Variants in WDFY4 observed in about 807,000 individuals in gnomAD.
WDFY4 encodes the protein WDFY family member 4.
A neutral mutation model predicts 351.9 loss-of-function variants in WDFY4; 169 were observed. The observed-to-expected ratio is 0.48, with a 90% CI of 0.42 to 0.55. The LOEUF is 0.55. Ranked by LOEUF, WDFY4 falls within the 20% of genes least tolerant of loss-of-function variation. The probability of loss-of-function intolerance (pLI) is 0.00; values close to 1 mark genes in which losing one functional copy is unlikely to be tolerated. For missense variants in WDFY4, 3,803 were observed against 3,935.6 expected, an observed-to-expected ratio of 0.97 and a Z score of 0.90; for synonymous variants, 1,622 against 1,574.6, an observed-to-expected ratio of 1.03 and a Z score of -0.71.
Position 48,867,362 on chromosome 10 carries a change from C to A in WDFY4, c.6741+20C>A. 1 of 1,439,740 alleles carries A rather than the reference C, an allele frequency of 6.9e-7. No homozygotes were observed. The highest frequency in any genetic ancestry group is 1.5e-5 in the South Asian group (1 of 67,768). 89.2% of individuals were successfully genotyped at this position (1,439,740 alleles called of 1,614,324 possible). Reference sequence around the variant, plus strand: ...GTGCAAGTAAGAAACAAAACATAGGCTTTCTCTATACAGCAAGCTGGAATC... The same window carrying A: ...GTGCAAGTAAGAAACAAAACATAGGATTTCTCTATACAGCAAGCTGGAATC... On this transcript the variant is annotated intron_variant, in intron 40 of 61. Coordinates refer to ENST00000325239, the MANE Select transcript of WDFY4 (RefSeq NM_001394531.1).
chr10:48,980,709 G>A (rs1290827758), intron 60 of WDFY4, among the ~76,000 whole-genome samples: 1 of 152,116 alleles, frequency 6.6e-6, no homozygotes, highest in Non-Finnish European at 1.5e-5. Flanking sequence ...GCACACATGG[G>A]TGGTCACCTC....
At chr10:48,695,310 A>G (rs2063303171) in intron 1 of WDFY4, among the ~76,000 whole-genome samples, 1 of 152,144 alleles carries the variant, frequency 6.6e-6, no homozygotes, top group Admixed American at 6.5e-5. Flanking sequence ...TGGATCTCCT[A>G]TGGCTGAGGG....
At position 48,812,190 on chromosome 10, in the gene WDFY4, G is replaced by T. The variant is rs982981552; in HGVS notation, c.5214+482G>T. ...TCTTTCTTTCTTTTCTTTTTTTTTT[G>T]TTTTTTTTGTTTTTTTTTGAGACAG... On this transcript the variant is annotated intron_variant, in intron 30 of 61. Coordinates refer to ENST00000325239, the MANE Select transcript of WDFY4 (RefSeq NM_001394531.1). 8.6e-3 allele frequency among the ~76,000 whole-genome samples: 1,180 copies of T among 137,292 alleles called. 27 individuals carry two copies. Among genetic ancestry groups the T allele is most frequent in the African/African-American group, 0.03 (1,005 of 33,302 alleles). 90.1% of individuals were successfully genotyped at this position (137,292 alleles called of 152,430 possible).
chr10:48,812,684 G>A (rs977044284), intron 30 of WDFY4, among the ~76,000 whole-genome samples: 8 of 152,030 alleles, frequency 5.3e-5, no homozygotes, highest in African/African-American at 9.7e-5. Flanking sequence ...TGTGCTCACC[G>A]TATGCACCTT....
At position 48,774,677 on chromosome 10, in the gene WDFY4, C is replaced by A; in HGVS notation, c.2768+5C>A. 2 of 1,551,616 alleles carry A rather than the reference C, an allele frequency of 1.3e-6. No homozygotes were observed. The highest frequency in any genetic ancestry group is 1.7e-6 in the Non-Finnish European group (2 of 1,146,944). On this transcript the variant is annotated splice_donor_5th_base_variant and intron_variant, in intron 14 of 61. Transcript: ENST00000325239. ...CATTGAACCGGATGTGCTAAGGTAC[C>A]ACATGCTGCATATTCAGTGCCGCCA...
At chr10:48,749,074 G>A (rs1275320381) in intron 12 of WDFY4, among the ~76,000 whole-genome samples, 5 of 152,192 alleles carry the variant, frequency 3.3e-5, no homozygotes, top group African/African-American at 1.2e-4. Context: ...GGTAGTTAGA[G>A]TGATCACAGC....
intron 47 of WDFY4, among the ~76,000 whole-genome samples, chr10:48,929,552 A>G (rs541386271): frequency 1.2e-4 from 18 of 152,196 alleles, no homozygotes; most frequent in South Asian, 2.1e-4. Context: ...TTCTCTGCCT[A>G]TACTTATTGT....
intron 2 of WDFY4, among the ~76,000 whole-genome samples, chr10:48,716,949 G>GAA (rs1414965700): frequency 1.3e-5 from 2 of 152,204 alleles, no homozygotes; most frequent in African/African-American, 4.8e-5. Context: ...AGTGGCAGTT[G>GAA]GCTTGCAGGT....
chr10:48,868,399 T>C (rs1291310102), intron 40 of WDFY4, among the ~76,000 whole-genome samples: 2 of 152,178 alleles, frequency 1.3e-5, no homozygotes, highest in Non-Finnish European at 2.9e-5. Context: ...CTAGTTTTTC[T>C]GAGTGCACAA....
chr10:48,715,965 A>C (rs1306768650), intron 2 of WDFY4, among the ~76,000 whole-genome samples: 1 of 152,054 alleles, frequency 6.6e-6, no homozygotes, highest in East Asian at 1.9e-4. Context: ...AATTATTTTT[A>C]GATGTGGTGT....
At chr10:48,690,501 T>C (rs1341295015) in intron 1 of WDFY4, among the ~76,000 whole-genome samples, 1 of 152,110 alleles carries the variant, frequency 6.6e-6, no homozygotes, top group East Asian at 1.9e-4. Context: ...GTGAGCAAGA[T>C]GAAGAGGAGC....
intron 60 of WDFY4, 83 bp downstream of exon 60, chr10:48,978,476 T>G: frequency 1.5e-6 from 2 of 1,333,380 alleles, no homozygotes; most frequent in Non-Finnish European, 2.0e-6. Context: ...GCCCAAGGGC[T>G]GCAGCTCCTC....
chr10:48,720,520 TAC>T (rs1331517398), intron 3 of WDFY4, among the ~76,000 whole-genome samples: 9 of 149,184 alleles, frequency 6.0e-5, no homozygotes, highest in Non-Finnish European at 8.9e-5. Context: ...ACATACACAC[TAC>T]ACACAGACAC....
At position 48,743,285 on chromosome 10, in the gene WDFY4, C is replaced by T. The variant is rs1319661327; in HGVS notation, c.2196C>T (p.Arg732=). 6.4e-7 allele frequency: 1 copy of T among 1,551,700 alleles called. No individual in the cohort carries two copies. The highest frequency in any genetic ancestry group is 8.7e-7 in the Non-Finnish European group (1 of 1,147,002). The change falls in exon 12 of 62, where the codon CGC becomes CGT. Residue 732 remains arginine, a synonymous_variant. Coordinates refer to ENST00000325239, the MANE Select transcript of WDFY4 (RefSeq NM_001394531.1). ...GALEEEGNLL[R]SWVDTKARPF... ...TGGAGGAAGAGGGCAACCTGCTGCG[C>T]TCTTGGGTGGACACAAAGGCCAGGC...
chr10:48,687,006 G>T (rs1288018945), intron 1 of WDFY4, among the ~76,000 whole-genome samples: 1 of 152,014 alleles, frequency 6.6e-6, no homozygotes, highest in Admixed American at 6.5e-5. Flanking sequence ...AGTTTCTGTT[G>T]CTCCACTTCT....
At chr10:48,756,450 C>T (rs1174473055) in intron 12 of WDFY4, among the ~76,000 whole-genome samples, 4 of 151,704 alleles carry the variant, frequency 2.6e-5, no homozygotes, top group Non-Finnish European at 5.9e-5. Context: ...ACAATCTCAT[C>T]GTCTGTGACT....
chr10:48,833,141 ATGTGTGTG>A (rs1227956041), intron 39 of WDFY4, among the ~76,000 whole-genome samples: 1 of 141,624 alleles, frequency 7.1e-6, no homozygotes, highest in African/African-American at 2.7e-5. Flanking sequence ...GGCACCAACA[ATGTGTGTG>A]TGTGTGTGTG....
intron 47 of WDFY4, among the ~76,000 whole-genome samples, chr10:48,931,602 C>T (rs1179119785): frequency 6.6e-6 from 1 of 152,164 alleles, no homozygotes; most frequent in Non-Finnish European, 1.5e-5. Flanking sequence ...GAAACTGTGG[C>T]CTACTTTTTG....
rs1435498957 is a variant in WDFY4 at position 48,817,380 on chromosome 10, A to T, written c.5476A>T (p.Ile1826Leu). 6.4e-7 allele frequency: 1 copy of T among 1,551,148 alleles called. No homozygotes were observed. The highest frequency in any genetic ancestry group is 2.4e-5 in the East Asian group (1 of 40,906). ...RAPEFLQTLA[I>L]AAFPLGAQKG... Reference sequence around the variant, plus strand: ...CCCGGAGTTCCTCCAGACCTTGGCCATAGCCGCCTTCCCCCTGGGAGCCCA... The same window carrying T: ...CCCGGAGTTCCTCCAGACCTTGGCCTTAGCCGCCTTCCCCCTGGGAGCCCA... The change falls in exon 32 of 62, where the codon ATA becomes TTA. Residue 1826 changes from isoleucine (I) to leucine (L), a missense_variant. By Grantham distance (5) the Ile-to-Leu change is conservative. Transcript: ENST00000325239.
Sources: allele counts gnomAD v4.1 joint callset (sites outside exome capture counted in the v4.1 genomes callset), GRCh38; gene constraint gnomAD v4.1.1; transcripts MANE v1.5; gene names NCBI Gene and HGNC (gene_info 2026-07-23, HGNC 2026-07-21).